Variants in TPO observed in about 807,000 individuals in gnomAD.
The protein encoded by TPO is thyroid microsomal antigen.
A neutral mutation model predicts 96.9 loss-of-function variants in TPO; 78 were observed. The ratio of observed to expected loss-of-function variants is 0.81; its 90% CI spans 0.67 to 0.97. The LOEUF is 0.97. Ranked by LOEUF, TPO falls within the 50% of genes least tolerant of loss-of-function variation. The pLI, the probability that TPO is intolerant of heterozygous loss-of-function variation, is 0.00. For synonymous variants in TPO, 547 were observed against 538.0 expected, an observed-to-expected ratio of 1.02 and a Z score of -0.23; for missense variants, 1,252 against 1,274.8, an observed-to-expected ratio of 0.98 and a Z score of 0.27.
chr2:1,471,980 T>C (rs774306717), intron 7 of TPO, among the ~76,000 whole-genome samples: 5 of 150,928 alleles, frequency 3.3e-5, no homozygotes, highest in African/African-American at 7.3e-5. Context: ...TGAATGTTCA[T>C]AGCACATGCC....
At chr2:1,542,329 T>TG in intron 16 of TPO, 92 bp from the exon 17 acceptor site, 1 of 1,535,986 alleles carries the variant, frequency 6.5e-7, no homozygotes, top group Admixed American at 1.8e-5. Flanking sequence ...AAAGAGCTCC[T>TG]GTCCAGGCCC....
Position 1,477,601 on chromosome 2 carries a change from C to G in TPO, c.1335C>G (p.His445Gln). The G allele has an allele frequency of 6.6e-7, 1 of 1,524,474 alleles. No homozygotes were observed. The highest frequency in any genetic ancestry group is 1.2e-5 in the South Asian group (1 of 82,842). The allele number at this position is 1,524,474 out of a possible 1,614,324, so 94.4% of individuals were successfully genotyped here. A position where few individuals can be genotyped will look rare whatever the true frequency, so the allele number is the denominator to read the frequency against. The change falls in exon 8 of 17, where the codon CAC (histidine) becomes CAG (glutamine). Residue 445 changes from histidine to glutamine, a missense_variant. Transcript: ENST00000329066. ...QEARKVVGALHQIITLRDYIP... is the reference protein window; with the variant it reads ...QEARKVVGALQQIITLRDYIP... ...CGCGCAAGGTCGTGGGCGCTCTGCA[C>G]CAGGTGCGCGGGGTGGTCCTGGGCG...
intron 7 of TPO, among the ~76,000 whole-genome samples, chr2:1,465,116 T>C (rs1668778068): frequency 6.6e-6 from 1 of 152,176 alleles, no homozygotes; most frequent in Non-Finnish European, 1.5e-5. Context: ...CTCCTACACA[T>C]GGCTTGCCAA....
intron 12 of TPO, 122 bp from the exon 13 acceptor site, chr2:1,496,473 C>T (rs1286106726): frequency 5.0e-6 from 7 of 1,407,298 alleles, no homozygotes; most frequent in Non-Finnish European, 6.9e-6. Flanking sequence ...GTGACCACAG[C>T]AGGGCTCCCC....
At chr2:1,418,544 A>G (rs1001142703) in intron 2 of TPO, among the ~76,000 whole-genome samples, 1 of 152,172 alleles carries the variant, frequency 6.6e-6, no homozygotes. Flanking sequence ...AAAAAAATCT[A>G]TGCTTGACCA....
chr2:1,404,650 G>A (rs1050323750), intron 1 of TPO, among the ~76,000 whole-genome samples: 17 of 152,194 alleles, frequency 1.1e-4, no homozygotes, highest in South Asian at 2.1e-4. Flanking sequence ...AAAACAACCC[G>A]GCCAACATCT....
chr2:1,489,556 C>T (rs115644759), intron 10 of TPO, among the ~76,000 whole-genome samples: 1,525 of 152,302 alleles, frequency 0.01, 28 homozygotes, highest in African/African-American at 0.035. Flanking sequence ...CCCCATAGAT[C>T]GTAAGCCCAG....
At chr2:1,516,329 C>T (rs1456932465) in intron 14 of TPO, among the ~76,000 whole-genome samples, 3 of 152,216 alleles carry the variant, frequency 2.0e-5, no homozygotes, top group Non-Finnish European at 4.4e-5. Flanking sequence ...AAATCTGCTG[C>T]CATCCCGTGC....
At chr2:1,505,714 C>T (rs772295853) in intron 14 of TPO, among the ~76,000 whole-genome samples, 1 of 152,014 alleles carries the variant, frequency 6.6e-6, no homozygotes, top group East Asian at 1.9e-4. Flanking sequence ...ATTGACCCAT[C>T]CTCTAAGTTC....
intron 7 of TPO, among the ~76,000 whole-genome samples, chr2:1,460,509 T>C (rs762630215): frequency 6.6e-6 from 1 of 152,168 alleles, no homozygotes; most frequent in Non-Finnish European, 1.5e-5. Flanking sequence ...TATAGGTTTG[T>C]TGTCCATAAA....
intron 13 of TPO, among the ~76,000 whole-genome samples, chr2:1,498,262 G>A (rs1672552554): frequency 1.3e-5 from 2 of 152,326 alleles, no homozygotes; most frequent in African/African-American, 4.8e-5. Flanking sequence ...AGACCCACCA[G>A]GACTCAGTGC....
In TPO at chr2:1,447,618, C is replaced by G. The variant is rs113528035; in HGVS notation, c.483-6076C>G. On this transcript the variant is annotated intron_variant, in intron 5 of 16. Transcript: ENST00000329066. Reference sequence around the variant, plus strand: ...GAGCTTGACTCTTCACTGACAATATCTATAAGTGTTTGTGTATATATAGAG... The same window carrying G: ...GAGCTTGACTCTTCACTGACAATATGTATAAGTGTTTGTGTATATATAGAG... Among the ~76,000 whole-genome samples the G allele has an allele frequency of 4.8e-3, 732 of 152,124 alleles. 3 individuals carry two copies. Among genetic ancestry groups the G allele is most frequent in the African/African-American group, 0.017 (691 of 41,504 alleles).
At chr2:1,455,790 G>A (rs1362694611) in intron 6 of TPO, among the ~76,000 whole-genome samples, 2 of 152,130 alleles carry the variant, frequency 1.3e-5, no homozygotes, top group Non-Finnish European at 2.9e-5. Context: ...CAACAACACT[G>A]AAAGCTCAAC....
intron 15 of TPO, among the ~76,000 whole-genome samples, chr2:1,527,919 TGA>T (rs1676998631): frequency 1.1e-5 from 1 of 86,988 alleles, no homozygotes; most frequent in African/African-American, 4.6e-5. Context: ...CCCCCCAATG[TGA>T]GCAACCTCCT....
At chr2:1,512,621 A>C in intron 14 of TPO, 2 of 399,850 alleles carry the variant, frequency 5.0e-6, no homozygotes, top group Non-Finnish European at 6.8e-6. Flanking sequence ...GCAGCCCCTC[A>C]AGCAGCTGGC....
At chr2:1,528,455 C>A (rs1677146071) in intron 15 of TPO, among the ~76,000 whole-genome samples, 1 of 147,564 alleles carries the variant, frequency 6.8e-6, no homozygotes, top group African/African-American at 2.5e-5. Context: ...GTGCAACCTC[C>A]TCAAATCTCT....
intron 3 of TPO, among the ~76,000 whole-genome samples, chr2:1,423,776 T>C (rs1158641873): frequency 6.6e-6 from 1 of 152,238 alleles, no homozygotes; most frequent in Admixed American, 6.5e-5. Context: ...TTTCTATTAT[T>C]CCAGCCAGAA....
chr2:1,499,851 C>T (rs1311417520), intron 13 of TPO, among the ~76,000 whole-genome samples: 1 of 152,222 alleles, frequency 6.6e-6, no homozygotes, highest in Non-Finnish European at 1.5e-5. Flanking sequence ...ATTGCTGAGC[C>T]TCTGTGTGCC....
upstream of TPO, among the ~76,000 whole-genome samples, chr2:1,410,018 T>G (rs1366511032): frequency 2.0e-5 from 3 of 151,820 alleles, no homozygotes; most frequent in Non-Finnish European, 4.4e-5. Context: ...AGAAAGATGC[T>G]GGTCAAAAGT....
Sources: gnomAD v4.1 joint callset for allele counts (sites outside exome capture counted in the v4.1 genomes callset) on GRCh38, gnomAD v4.1.1 for gene constraint, MANE v1.5 for transcripts, NCBI Gene and HGNC (gene_info 2026-07-23, HGNC 2026-07-21) for gene names.